Variants in MAP3K14 observed in about 807,000 individuals in gnomAD.
MAP3K14 encodes the protein NF-kappa-beta-inducing kinase.
In MAP3K14, 16 loss-of-function variants were observed where a neutral mutation model predicts 99.2. That is an observed-to-expected ratio of 0.16 (90% CI 0.11 to 0.24). The LOEUF (loss-of-function observed/expected upper bound fraction) is 0.24. MAP3K14 is among the 10% of genes least tolerant of loss of function. MAP3K14 has a pLI of 1.00. For synonymous variants in MAP3K14, 462 were observed against 492.4 expected (o/e 0.94, Z 0.82); for missense variants, 784 against 1,208.7 (o/e 0.65, Z 5.21).
intron 1 of MAP3K14, among the ~76,000 whole-genome samples, chr17:45,312,261 G>C (rs2044486918): frequency 6.6e-6 from 1 of 152,182 alleles, no homozygotes; most frequent in Non-Finnish European, 1.5e-5. Flanking sequence ...ATGGAGCAAG[G>C]TCCAGGCACA....
intron 1 of MAP3K14, among the ~76,000 whole-genome samples, chr17:45,303,013 G>A (rs1025886662): frequency 6.6e-6 from 1 of 152,216 alleles, no homozygotes; most frequent in Non-Finnish European, 1.5e-5. Flanking sequence ...TTGATTTATC[G>A]AATGGCAAAT....
At chr17:45,266,107 A>T (rs2044079535) in intron 14 of MAP3K14, 1 of 157,024 alleles carries the variant, frequency 6.4e-6, no homozygotes, top group Non-Finnish European at 1.4e-5. Context: ...AAGCTTGAAA[A>T]CGAAGGAATT....
chr17:45,289,387 C>G (rs1403793128), intron 2 of MAP3K14, 82 bp from the exon 3 acceptor site: 2 of 1,084,762 alleles, frequency 1.8e-6, no homozygotes, highest in Non-Finnish European at 2.8e-6. Flanking sequence ...TACAGAGATC[C>G]CCTCTGGCGC....
At chr17:45,265,709 A>T (rs1163568126) in intron 14 of MAP3K14, among the ~76,000 whole-genome samples, 1 of 152,126 alleles carries the variant, frequency 6.6e-6, no homozygotes, top group Non-Finnish European at 1.5e-5. Flanking sequence ...AAGTGCTGGG[A>T]TTACAGGTGT....
chr17:45,307,145 C>A (rs1367950315), intron 1 of MAP3K14, among the ~76,000 whole-genome samples: 1 of 152,058 alleles, frequency 6.6e-6, no homozygotes, highest in Admixed American at 6.6e-5. Context: ...GTAATCCCAG[C>A]TACTCGGGAG....
intron 1 of MAP3K14, among the ~76,000 whole-genome samples, chr17:45,294,539 A>C (rs2044334236): frequency 1.3e-5 from 2 of 152,260 alleles, no homozygotes; most frequent in South Asian, 4.1e-4. Context: ...AGGTTCCTCT[A>C]GTCTCCCTAG....
intron 1 of MAP3K14, among the ~76,000 whole-genome samples, chr17:45,291,380 T>C (rs1167618946): frequency 6.6e-6 from 1 of 152,186 alleles, no homozygotes; most frequent in Admixed American, 6.5e-5. Flanking sequence ...CCTTGCCCAA[T>C]GCGTCTGTTT....
At chr17:45,268,872 G>A (rs574473038) in intron 11 of MAP3K14, among the ~76,000 whole-genome samples, 3 of 152,188 alleles carry the variant, frequency 2.0e-5, no homozygotes, top group South Asian at 2.1e-4. Flanking sequence ...GTCTGCAGAC[G>A]TCTGCCTGAG....
At chr17:45,265,612 A>AT (rs2044072873) in intron 14 of MAP3K14, among the ~76,000 whole-genome samples, 1 of 147,692 alleles carries the variant, frequency 6.8e-6, no homozygotes, top group South Asian at 2.1e-4. Flanking sequence ...TAATTTTTGT[A>AT]TTTTTAGTAG....
rs2044269863 is a variant in MAP3K14 at position 45,286,832 on chromosome 17, G to C, written c.751C>G (p.Leu251Val). Residue 251 changes from leucine (L) to valine (V), a missense_variant, in exon 5 of 16, where the codon CTG (leucine) becomes GTG (valine). By Grantham distance (32) the Leu-to-Val change is conservative. This residue lies in a region of MAP3K14 where 138 missense variants were observed against 164.1 expected (regional missense o/e 0.84). Transcript: ENST00000344686. This position sits in a 1 kb window ranked among gnomAD's most constrained non-coding sequence, Gnocchi z 4.1. ...GGGAAGGGGTGCGTGGGCAGGGGCA[G>C]GGGGCCTCCGTCCTGGGGGTGGTGC... ...KLHHPQDGGP[L>V]PLPTHPFPYS... The C allele has an allele frequency of 1.9e-6, 3 of 1,613,634 alleles. No individual in the cohort carries two copies. Among genetic ancestry groups the C allele is most frequent in the Non-Finnish European group, 2.5e-6 (3 of 1,179,772 alleles).
chr17:45,287,407 C>T lies in MAP3K14; in HGVS notation c.327-43G>A, dbSNP rs138402743. 877 of 1,559,278 alleles carry T rather than the reference C, an allele frequency of 5.6e-4. 4 individuals carry two copies. The African/African-American group carries it at 0.01, about 18-fold the overall frequency. ...GATTTGCATATTGAGCACGAGGAAG[C>T]AGGAAGATGGACTGGTCCAGACACT... is the stretch of plus-strand genomic sequence containing the variant. On this transcript the variant is annotated intron_variant, in intron 3 of 15. Coordinates refer to ENST00000344686, the MANE Select transcript of MAP3K14 (RefSeq NM_003954.5).
Position 45,284,898 on chromosome 17 carries a change from G to A in MAP3K14, c.1204C>T (p.His402Tyr). The change falls in exon 6 of 16, where the codon CAC becomes TAC. Residue 402 changes from histidine to tyrosine, a missense_variant. By Grantham distance (83) the His-to-Tyr change is moderately conservative. Around this residue, in one of 5 missense-constraint regions of MAP3K14, gnomAD observed 200 missense variants for 367.9 expected, o/e 0.54. Transcript: ENST00000344686. ...EYREEVHWAT[H>Y]QLRLGRGSFG... ...GAGCCTCTGCCCAGGCGGAGCTGGT[G>A]CGTGGCCCAGTGGACTTCTTCTCGG... 2 of 1,559,488 alleles carry A rather than the reference G, an allele frequency of 1.3e-6. No individual in the cohort carries two copies. Among genetic ancestry groups the A allele is most frequent in the Non-Finnish European group, 8.7e-7 (1 of 1,151,528 alleles).
intron 6 of MAP3K14, among the ~76,000 whole-genome samples, chr17:45,275,574 C>T (rs571347647): frequency 4.0e-5 from 6 of 151,762 alleles, no homozygotes; most frequent in African/African-American, 7.3e-5. Context: ...GCACGCTGTC[C>T]GCCCTCAAAT....
chr17:45,293,804 C>T (rs968345208), intron 1 of MAP3K14, among the ~76,000 whole-genome samples: 14 of 152,200 alleles, frequency 9.2e-5, no homozygotes, highest in Non-Finnish European at 1.8e-4. Context: ...CAAACACCAC[C>T]TCCCACACAG....
chr17:45,274,082 A>G, intron 8 of MAP3K14, 41 bp downstream of exon 8: 1 of 1,597,278 alleles, frequency 6.3e-7, no homozygotes, highest in East Asian at 2.3e-5. Context: ...GTGTGAGAGA[A>G]GAGCCTGCTG....
chr17:45,275,395 G>A (rs2044171432), intron 6 of MAP3K14, among the ~76,000 whole-genome samples: 1 of 151,064 alleles, frequency 6.6e-6, no homozygotes, highest in Non-Finnish European at 1.5e-5. Context: ...TTGAACCTGG[G>A]AGTCGGAGGT....
intron 6 of MAP3K14, among the ~76,000 whole-genome samples, chr17:45,280,382 C>T (rs555306893): frequency 6.6e-6 from 1 of 151,186 alleles, no homozygotes; most frequent in African/African-American, 2.4e-5. Context: ...TGGCTCACCG[C>T]AACCTCCGCC....
chr17:45,307,449 AAC>A (rs989051983), intron 1 of MAP3K14, among the ~76,000 whole-genome samples: 2 of 152,094 alleles, frequency 1.3e-5, no homozygotes, highest in Non-Finnish European at 2.9e-5. Context: ...AATCATGTGA[AAC>A]ACAGCCAGTT....
intron 1 of MAP3K14, among the ~76,000 whole-genome samples, chr17:45,307,265 TA>T (rs1043095038): frequency 2.7e-4 from 40 of 148,220 alleles, no homozygotes; most frequent in Admixed American, 1.0e-3. Context: ...CTCAAAAAAT[TA>T]AAAAAAAAAA....
Sources: allele counts gnomAD v4.1 joint callset (sites outside exome capture counted in the v4.1 genomes callset), GRCh38; gene constraint gnomAD v4.1.1; regional missense constraint gnomAD v4.1.1; non-coding constraint Gnocchi (gnomAD v3.1); transcripts MANE v1.5; gene names NCBI Gene and HGNC (gene_info 2026-07-23, HGNC 2026-07-21).